The following PCNX1 variants were observed in gnomAD, a reference collection of about 807,000 sequenced individuals.
The protein encoded by PCNX1 is pecanex 1.
In PCNX1, 78 loss-of-function variants were observed where a neutral mutation model predicts 242.2. The observed-to-expected ratio is 0.32, with a 90% CI of 0.27 to 0.39. The LOEUF is 0.39. PCNX1 is among the 10% of genes least tolerant of loss of function. The pLI is 1.00. For synonymous variants in PCNX1, 1,024 were observed against 1,032.9 expected, an observed-to-expected ratio of 0.99 and a Z score of 0.17; for missense variants, 2,581 against 2,856.5, an observed-to-expected ratio of 0.90 and a Z score of 2.20.
intron 7 of PCNX1, among the ~76,000 whole-genome samples, chr14:70,992,082 G>A (rs993499887): frequency 2.0e-5 from 3 of 151,900 alleles, no homozygotes; most frequent in African/African-American, 7.3e-5. Flanking sequence ...TTAAAAAATT[G>A]TGCGCTTTAT....
chr14:71,107,085 T>C (rs772473133), intron 33 of PCNX1, among the ~76,000 whole-genome samples: 1 of 152,192 alleles, frequency 6.6e-6, no homozygotes, highest in Non-Finnish European at 1.5e-5. Context: ...ACAATCCACC[T>C]GGTGTGCAGA....
At chr14:71,006,193 GCCTGGGCTTGTCTTGAACT>G (rs1180949949) in intron 8 of PCNX1, among the ~76,000 whole-genome samples, 1 of 149,288 alleles carries the variant, frequency 6.7e-6, no homozygotes, top group Admixed American at 6.7e-5. Context: ...TCACTATGTT[GCCTGGGCTTGTCTTGAACT>G]CCTGGGCTCA....
At chr14:70,920,669 A>G (rs1157729774) in intron 1 of PCNX1, among the ~76,000 whole-genome samples, 1 of 152,190 alleles carries the variant, frequency 6.6e-6, no homozygotes, top group Non-Finnish European at 1.5e-5. Context: ...GACAGTATGG[A>G]CACCTGTCTC....
Position 71,046,989 on chromosome 14 carries a change from G to A in PCNX1, c.4044G>A (p.Glu1348=). ...VRNAATMMWF[E]KLHVWLLFVE... ...ATGCAGCCACTATGATGTGGTTTGA[G>A]AAACTTCATGTGTGGCTTCTTTTTG... The change falls in exon 21 of 36, where the codon GAG becomes GAA. Residue 1348 remains glutamate (E), a synonymous_variant. Coordinates refer to ENST00000304743, the MANE Select transcript of PCNX1 (RefSeq NM_014982.3). 1 of 1,610,176 alleles carries A rather than the reference G, an allele frequency of 6.2e-7. No individual in the cohort carries two copies. The highest frequency in any genetic ancestry group is 1.1e-5 in the South Asian group (1 of 90,824).
intron 6 of PCNX1, among the ~76,000 whole-genome samples, chr14:70,979,609 T>C (rs183844273): frequency 1.3e-5 from 2 of 152,266 alleles, no homozygotes; most frequent in Admixed American, 1.3e-4. Context: ...TTTAAAGTTA[T>C]AGTCTGTTTG....
chr14:71,074,741 A>G (rs937358816), intron 27 of PCNX1, among the ~76,000 whole-genome samples: 1 of 152,158 alleles, frequency 6.6e-6, no homozygotes, highest in Non-Finnish European at 1.5e-5. Context: ...AAGACTCTTT[A>G]ACGGGAAGGG....
At chr14:70,930,730 T>C (rs2056764804) in intron 1 of PCNX1, among the ~76,000 whole-genome samples, 1 of 152,122 alleles carries the variant, frequency 6.6e-6, no homozygotes, top group Non-Finnish European at 1.5e-5. Context: ...CAGCTGGCCC[T>C]CTGAAATTAG....
At chr14:70,972,291 C>T (rs962403939) in intron 5 of PCNX1, among the ~76,000 whole-genome samples, 3 of 151,962 alleles carry the variant, frequency 2.0e-5, no homozygotes, top group African/African-American at 7.2e-5. Flanking sequence ...GGGTTCAGTT[C>T]AGGGCCTATC....
chr14:70,945,953 G>T (rs942177387), intron 1 of PCNX1, among the ~76,000 whole-genome samples: 1 of 152,188 alleles, frequency 6.6e-6, no homozygotes, highest in Non-Finnish European at 1.5e-5. Flanking sequence ...ATGAAATTGG[G>T]ATAAGTTGAG....
rs76127640 is a variant in PCNX1, at chr14:70,964,286, C to T, written c.468+1955C>T. 8.7e-3 allele frequency among the ~76,000 whole-genome samples: 1,320 copies of T among 152,196 alleles called. 26 individuals carry two copies. The highest frequency in any genetic ancestry group is 0.03 in the African/African-American group (1,244 of 41,526). On this transcript the variant is annotated intron_variant, in intron 3 of 35. Transcript: ENST00000304743. ...GTTCACCATGTTGTCCAGACTACCT[C>T]GAACTCCTGACCTCAGGTGGTCTGC...
chr14:70,951,724 G>T (rs1430959440), intron 2 of PCNX1, among the ~76,000 whole-genome samples: 1 of 151,916 alleles, frequency 6.6e-6, no homozygotes, highest in Non-Finnish European at 1.5e-5. Flanking sequence ...ACTTTTGTGA[G>T]ATATCTTCAT....
intron 6 of PCNX1, among the ~76,000 whole-genome samples, chr14:70,986,775 A>G (rs2059014904): frequency 6.6e-6 from 1 of 152,210 alleles, no homozygotes; most frequent in African/African-American, 2.4e-5. Flanking sequence ...AAAATGTTTG[A>G]AAGTTTCTTG....
In PCNX1 at chr14:71,105,428, C is replaced by A. The variant is rs769597610; in HGVS notation, c.6289C>A (p.Pro2097Thr). Residue 2097 changes from proline to threonine, a missense_variant, in exon 33 of 36, where the codon CCT (proline) becomes ACT (threonine). By Grantham distance (38) the Pro-to-Thr change is conservative. Coordinates refer to ENST00000304743, the MANE Select transcript of PCNX1 (RefSeq NM_014982.3). ...ACTCCACCCACCTGTCACATCTTAT[C>A]CTCCAACACTAGGTAATGTGAAACA... The part of the protein sequence containing the change: ...TGLHPPVTSY[P>T]PTLGTSHSSH... 11 of 1,612,780 alleles carry A rather than the reference C, an allele frequency of 6.8e-6. No individual in the cohort carries two copies. The highest frequency in any genetic ancestry group is 9.3e-6 in the Non-Finnish European group (11 of 1,178,916).
rs74060561 is a variant in PCNX1 at position 71,043,068 on chromosome 14, G to A, written c.3868-2065G>A. ...TTTTTGAAGGATAAAGCTTTTCTTG[G>A]TATAGTATTTTTAGCTGAAGAGTTT... On this transcript the variant is annotated intron_variant, in intron 19 of 35. Coordinates refer to ENST00000304743, the MANE Select transcript of PCNX1 (RefSeq NM_014982.3). Among the ~76,000 whole-genome samples, 1,305 of 152,092 alleles carry A rather than the reference G, an allele frequency of 8.6e-3. 25 individuals carry two copies. Among genetic ancestry groups the A allele is most frequent in the African/African-American group, 0.03 (1,231 of 41,494 alleles).
chr14:70,969,599 T>G (rs1841901319), intron 5 of PCNX1, among the ~76,000 whole-genome samples: 2 of 152,122 alleles, frequency 1.3e-5, no homozygotes, highest in Admixed American at 1.3e-4. Context: ...CTTGGGTGCT[T>G]TTTTGGAATT....
chr14:70,946,983 G>A lies in PCNX1; in HGVS notation c.222G>A (p.Leu74=), dbSNP rs1477529612. 7 of 1,613,874 alleles carry A rather than the reference G, an allele frequency of 4.3e-6. No individual in the cohort carries two copies. The highest frequency in any genetic ancestry group is 5.9e-6 in the Non-Finnish European group (7 of 1,179,860). Residue 74 remains leucine, a synonymous_variant, in exon 2 of 36, where the codon CTG becomes CTA. Coordinates refer to ENST00000304743, the MANE Select transcript of PCNX1 (RefSeq NM_014982.3). The stretch of plus-strand genomic sequence containing the variant: ...TGATAGCTGCTGTTTTCATTGTTCT[G>A]AAGATGGTCAACTATCGACTACACA... ...CPVIAAVFIV[L]KMVNYRLHRA...
chr14:71,097,468 G>A (rs1053624807), intron 30 of PCNX1, among the ~76,000 whole-genome samples: 1 of 152,156 alleles, frequency 6.6e-6, no homozygotes, highest in Non-Finnish European at 1.5e-5. Context: ...AGCATCTCTT[G>A]TTTTTTGACT....
intron 1 of PCNX1, among the ~76,000 whole-genome samples, chr14:70,944,517 C>T (rs1304277967): frequency 6.6e-6 from 1 of 152,182 alleles, no homozygotes; most frequent in Non-Finnish European, 1.5e-5. Flanking sequence ...TTTGATTTTA[C>T]AGGCTTATAG....
intron 26 of PCNX1, among the ~76,000 whole-genome samples, chr14:71,068,869 A>G (rs1337824635): frequency 6.6e-6 from 1 of 152,000 alleles, no homozygotes; most frequent in Non-Finnish European, 1.5e-5. Context: ...GCTTGTGCCT[A>G]TAGATGCAAA....
Sources: allele counts gnomAD v4.1 joint callset (sites outside exome capture counted in the v4.1 genomes callset), GRCh38; gene constraint gnomAD v4.1.1; transcripts MANE v1.5; gene names NCBI Gene and HGNC (gene_info 2026-07-23, HGNC 2026-07-21).